TRIO: variants seen among roughly 807,000 people sequenced by gnomAD.
The protein encoded by TRIO is trio Rho guanine nucleotide exchange factor.
Under a neutral mutation model 351.9 loss-of-function variants are expected in TRIO, and 58 were observed. The observed-to-expected ratio is 0.16, with a 90% CI of 0.13 to 0.21. The LOEUF is 0.21. TRIO is among the 10% of genes least tolerant of loss of function. The probability of loss-of-function intolerance (pLI) is 1.00; values close to 1 mark genes in which losing one functional copy is unlikely to be tolerated. For missense variants in TRIO, 3,201 were observed against 4,027.8 expected (o/e 0.79, Z 5.56); for synonymous variants, 1,758 against 1,595.7 (o/e 1.10, Z -2.42).
intron 28 of TRIO, among the ~76,000 whole-genome samples, chr5:14,396,525 AG>A (rs1328140083): frequency 8.5e-6 from 1 of 118,340 alleles, no homozygotes. Context: ...GCTGGAGTGC[AG>A]TGGCACAATC....
intron 28 of TRIO, among the ~76,000 whole-genome samples, chr5:14,395,872 C>G (rs373462810): frequency 6.6e-6 from 1 of 151,864 alleles, no homozygotes; most frequent in Non-Finnish European, 1.5e-5. Context: ...GGTGAAACCC[C>G]GTCTCTACTA....
chr5:14,196,227 G>A (rs1790760229), intron 1 of TRIO, among the ~76,000 whole-genome samples: 1 of 151,960 alleles, frequency 6.6e-6, no homozygotes, highest in African/African-American at 2.4e-5. Flanking sequence ...TGTGAGACCG[G>A]CCTGGCCAAC....
intron 34 of TRIO, among the ~76,000 whole-genome samples, chr5:14,446,620 G>A (rs1421984644): frequency 5.3e-5 from 8 of 152,096 alleles, no homozygotes; most frequent in African/African-American, 1.2e-4. Flanking sequence ...ACCTGGGGGC[G>A]CTTTACCTCC....
chr5:14,398,733 C>T (rs1018576190), intron 29 of TRIO, 147 bp from the exon 30 acceptor site: 16 of 694,616 alleles, frequency 2.3e-5, no homozygotes, highest in East Asian at 1.1e-4. Context: ...GGGTCAGTGG[C>T]GTCGAGTCAG....
intron 55 of TRIO, among the ~76,000 whole-genome samples, chr5:14,505,453 A>G (rs1355489932): frequency 1.3e-5 from 2 of 152,194 alleles, no homozygotes; most frequent in African/African-American, 4.8e-5. Flanking sequence ...GGGAAGGGTA[A>G]AACCTTTTGT....
chr5:14,219,150 C>T (rs1792425229), intron 1 of TRIO, among the ~76,000 whole-genome samples: 1 of 152,042 alleles, frequency 6.6e-6, no homozygotes, highest in African/African-American at 2.4e-5. Flanking sequence ...GAGCCAGTGG[C>T]ATAAGAAACT....
chr5:14,510,204 AT>A (rs1757998329), downstream of TRIO: 1 of 152,182 alleles, frequency 6.6e-6, no homozygotes, highest in Admixed American at 6.5e-5. Flanking sequence ...TATTTGCCTG[AT>A]TTTTGTGTTA....
At chr5:14,273,015 G>A (rs1311650380) in intron 2 of TRIO, among the ~76,000 whole-genome samples, 2 of 152,044 alleles carry the variant, frequency 1.3e-5, no homozygotes, top group Non-Finnish European at 1.5e-5. Flanking sequence ...GGATTTTAGT[G>A]TATCACCAGG....
At chr5:14,346,176 T>C (rs1742398400) in intron 11 of TRIO, among the ~76,000 whole-genome samples, 1 of 152,238 alleles carries the variant, frequency 6.6e-6, no homozygotes, top group Non-Finnish European at 1.5e-5. Flanking sequence ...CTTCCATTTG[T>C]TGAGGTACAA....
intron 41 of TRIO, among the ~76,000 whole-genome samples, chr5:14,478,365 T>G (rs1755249350): frequency 6.6e-6 from 1 of 152,172 alleles, no homozygotes; most frequent in Admixed American, 6.5e-5. Flanking sequence ...CCACCATTGG[T>G]TTTGCACATC....
rs1748196180 is a variant in TRIO at position 14,402,782 on chromosome 5, T to G, written c.4716+1718T>G. Among the ~76,000 whole-genome samples the G allele has an allele frequency of 2.0e-5, 3 of 151,760 alleles. No homozygotes were observed. The South Asian group carries it at 6.3e-4, about 32-fold the overall frequency. On this transcript the variant is annotated intron_variant, in intron 31 of 56. Transcript: ENST00000344204. ...GTGGCATAGACTTTGGTGGTGATGGTGGTGAGGTTGTAGATGGAGGTCATC... is the reference window on the plus strand; with the variant it reads ...GTGGCATAGACTTTGGTGGTGATGGGGGTGAGGTTGTAGATGGAGGTCATC...
chr5:14,411,945 T>C (rs1321338504), intron 33 of TRIO, among the ~76,000 whole-genome samples: 1 of 152,004 alleles, frequency 6.6e-6, no homozygotes, highest in African/African-American at 2.4e-5. Context: ...TAGCACCGTG[T>C]TGGAGACATG....
intron 1 of TRIO, among the ~76,000 whole-genome samples, chr5:14,150,115 CTGT>C (rs1276342153): frequency 6.6e-6 from 1 of 152,196 alleles, no homozygotes; most frequent in Non-Finnish European, 1.5e-5. Context: ...TGCTGTCTGT[CTGT>C]TGTTGTTAGC....
chr5:14,179,728 A>G (rs2152135863), intron 1 of TRIO, among the ~76,000 whole-genome samples: 1 of 152,100 alleles, frequency 6.6e-6, no homozygotes, highest in Admixed American at 6.5e-5. Flanking sequence ...GAGCCACCAC[A>G]CCCAGCCTCA....
At chr5:14,310,741 A>C (rs1303559268) in intron 8 of TRIO, among the ~76,000 whole-genome samples, 1 of 152,234 alleles carries the variant, frequency 6.6e-6, no homozygotes, top group African/African-American at 2.4e-5. Flanking sequence ...GCTGGAATGC[A>C]GTGGTGCGAT....
chr5:14,389,397 A>T lies in TRIO; in HGVS notation c.4057A>T (p.Asn1353Tyr), dbSNP rs1267010781. 1.2e-6 allele frequency: 2 copies of T among 1,605,794 alleles called. No individual in the cohort carries two copies. The highest frequency in any genetic ancestry group is 1.3e-5 in the African/African-American group (1 of 74,342). ...NMQEIYEFHNNIFLKELEKYE... is the reference protein window; with the variant it reads ...NMQEIYEFHNYIFLKELEKYE... Reference sequence around the variant, plus strand: ...GCAAGAAATCTACGAATTTCATAATAAGTGAGTGGCTTTTTCTTTGGGAGC... The same window carrying T: ...GCAAGAAATCTACGAATTTCATAATTAGTGAGTGGCTTTTTCTTTGGGAGC... Residue 1353 changes from asparagine (N) to tyrosine (Y), a missense_variant and splice_region_variant, in exon 25 of 57, where the codon AAC becomes TAC. Physicochemically the swap from Asn to Tyr is moderately radical, Grantham distance 143. This residue lies in a region of TRIO where 115 missense variants were observed against 239.6 expected (regional missense o/e 0.48). Transcript: ENST00000344204.
chr5:14,176,331 A>G (rs1490294806), intron 1 of TRIO, among the ~76,000 whole-genome samples: 1 of 152,108 alleles, frequency 6.6e-6, no homozygotes, highest in Non-Finnish European at 1.5e-5. Context: ...TTAGCCGGAC[A>G]TGGTGGCGGG....
intron 13 of TRIO, among the ~76,000 whole-genome samples, chr5:14,361,997 C>T (rs1337801230): frequency 6.6e-6 from 1 of 152,140 alleles, no homozygotes; most frequent in Non-Finnish European, 1.5e-5. Flanking sequence ...ACCTGTACTC[C>T]CAGCTACTTG....
At chr5:14,380,202 C>T (rs920925768) in intron 20 of TRIO, among the ~76,000 whole-genome samples, 1 of 152,154 alleles carries the variant, frequency 6.6e-6, no homozygotes, top group Admixed American at 6.5e-5. Context: ...TCTCCGTGTC[C>T]CTCTTGTCTT....
Sources: allele counts gnomAD v4.1 joint callset (sites outside exome capture counted in the v4.1 genomes callset), GRCh38; gene constraint gnomAD v4.1.1; regional missense constraint gnomAD v4.1.1; transcripts MANE v1.5; gene names NCBI Gene and HGNC (gene_info 2026-07-23, HGNC 2026-07-21).